The following NAV3 variants were observed in gnomAD, a reference collection of about 807,000 sequenced individuals.
NAV3 encodes the protein neuron navigator 3.
In NAV3, 87 loss-of-function variants were observed where a neutral mutation model predicts 244.7. The ratio of observed to expected loss-of-function variants is 0.36; its 90% CI spans 0.30 to 0.42. The LOEUF (loss-of-function observed/expected upper bound fraction) is 0.42, where lower values mean the gene tolerates loss of function less well. Ranked by LOEUF, NAV3 falls within the 20% of genes least tolerant of loss-of-function variation. NAV3 has a pLI of 1.00. For missense variants in NAV3, 2,663 were observed against 2,893.3 expected (o/e 0.92, Z 1.83); for synonymous variants, 1,126 against 1,042.2 (o/e 1.08, Z -1.55).
chr12:78,045,129 T>G (rs1353107711), intron 9 of NAV3, among the ~76,000 whole-genome samples: 3 of 152,212 alleles, frequency 2.0e-5, no homozygotes, highest in African/African-American at 4.8e-5. Flanking sequence ...TTGAGAGTTC[T>G]TAGCATGAAG....
At chr12:77,874,447 C>G (rs1010895446) in intron 1 of NAV3, among the ~76,000 whole-genome samples, 1 of 151,994 alleles carries the variant, frequency 6.6e-6, no homozygotes, top group Non-Finnish European at 1.5e-5. Flanking sequence ...TGGGCTCAAG[C>G]AGTCCTTCCT....
intron 2 of NAV3, among the ~76,000 whole-genome samples, chr12:77,585,642 T>A (rs887501434): frequency 2.0e-5 from 3 of 152,036 alleles, no homozygotes; most frequent in Non-Finnish European, 4.4e-5. Flanking sequence ...CACAGTAGGG[T>A]TCGTACTCAC....
intron 12 of NAV3, among the ~76,000 whole-genome samples, chr12:78,113,413 C>G (rs1180409904): frequency 6.6e-6 from 1 of 152,222 alleles, no homozygotes; most frequent in Non-Finnish European, 1.5e-5. Context: ...CCTGAACATC[C>G]AAGCATTTCC....
chr12:77,787,197 C>T (rs1278971122), intron 2 of NAV3, among the ~76,000 whole-genome samples: 2 of 151,924 alleles, frequency 1.3e-5, no homozygotes, highest in East Asian at 3.9e-4. Flanking sequence ...CTGATGTGAC[C>T]AACATATTTT....
chr12:78,051,744 T>C (rs1339274690), intron 11 of NAV3, among the ~76,000 whole-genome samples: 1 of 152,186 alleles, frequency 6.6e-6, no homozygotes, highest in Non-Finnish European at 1.5e-5. Flanking sequence ...ATATTAACAA[T>C]TTGGGATATT....
chr12:77,736,252 C>A (rs1375258420), intron 2 of NAV3, among the ~76,000 whole-genome samples: 1 of 152,202 alleles, frequency 6.6e-6, no homozygotes, highest in Admixed American at 6.5e-5. Flanking sequence ...TGTATACACA[C>A]ACTTATATGG....
At chr12:78,188,184 A>T in intron 31 of NAV3, 64 bp from the exon 32 acceptor site, 1 of 1,207,036 alleles carries the variant, frequency 8.3e-7, no homozygotes, top group Non-Finnish European at 1.2e-6. Flanking sequence ...ATTTTAGTAG[A>T]AAATGTAGTA....
intron 5 of NAV3, among the ~76,000 whole-genome samples, chr12:77,971,454 A>T (rs796899056): frequency 6.6e-5 from 10 of 152,208 alleles, no homozygotes; most frequent in African/African-American, 2.2e-4. Context: ...GATATTTAAG[A>T]CATTAATACT....
At chr12:77,720,307 G>T (rs1479830606) in intron 2 of NAV3, among the ~76,000 whole-genome samples, 1 of 152,102 alleles carries the variant, frequency 6.6e-6, no homozygotes, top group East Asian at 1.9e-4. Flanking sequence ...TTCCCAGGCT[G>T]TTCACAGAGG....
intron 2 of NAV3, among the ~76,000 whole-genome samples, chr12:77,775,065 T>G (rs1006794024): frequency 1.3e-5 from 2 of 152,172 alleles, no homozygotes; most frequent in African/African-American, 4.8e-5. Flanking sequence ...TATCAGGAGC[T>G]AGTTGCTTTA....
Position 78,112,780 on chromosome 12 carries a change from A to G in NAV3, c.2637-3992A>G, listed in dbSNP as rs181349684. On this transcript the variant is annotated intron_variant, in intron 12 of 39. Coordinates refer to ENST00000397909, the MANE Select transcript of NAV3 (RefSeq NM_001024383.2). ...CTCGTGTTCTCACAATTCAAATACA[A>G]TCATGCCCTTCCAACAGTCCCCCCA... Among the ~76,000 whole-genome samples the G allele has an allele frequency of 2.6e-5, 4 of 152,234 alleles. No homozygotes were observed. In the East Asian group the frequency reaches 7.7e-4, roughly 29 times the overall value.
intron 1 of NAV3, among the ~76,000 whole-genome samples, chr12:77,855,414 A>G (rs758781443): frequency 3.3e-5 from 5 of 152,144 alleles, no homozygotes; most frequent in Non-Finnish European, 7.4e-5. Context: ...GACAGAATCT[A>G]TTCTTAGTGA....
At chr12:77,916,963 C>T (rs1430423892) in intron 1 of NAV3, among the ~76,000 whole-genome samples, 1 of 151,872 alleles carries the variant, frequency 6.6e-6, no homozygotes, top group African/African-American at 2.4e-5. Flanking sequence ...GGCAATATCA[C>T]ATCAATAGGA....
chr12:77,588,739 T>C (rs1319286611), intron 2 of NAV3, among the ~76,000 whole-genome samples: 1 of 152,226 alleles, frequency 6.6e-6, no homozygotes, highest in Non-Finnish European at 1.5e-5. Flanking sequence ...ATAAAGAAAG[T>C]AATTCACATG....
chr12:77,798,845 C>A (rs1402315), intron 2 of NAV3, among the ~76,000 whole-genome samples: 147,787 of 152,264 alleles, frequency 0.97, 71,902 homozygotes, highest in East Asian at 1. Context: ...TACTGTTTCA[C>A]CCAAATGAGT....
At chr12:77,846,902 T>G (rs974485476) in intron 1 of NAV3, among the ~76,000 whole-genome samples, 1 of 152,200 alleles carries the variant, frequency 6.6e-6, no homozygotes, top group African/African-American at 2.4e-5. Context: ...AATAATACAC[T>G]TTCCTTTTAT....
intron 2 of NAV3, among the ~76,000 whole-genome samples, chr12:77,683,115 A>T (rs1174253249): frequency 6.6e-6 from 1 of 151,954 alleles, no homozygotes; most frequent in Non-Finnish European, 1.5e-5. Context: ...CTTTTCTTCT[A>T]TGTTTTCTTC....
At position 78,128,788 on chromosome 12, in the gene NAV3, A is replaced by C. The variant is rs766162780; in HGVS notation, c.4363A>C (p.Thr1455Pro). The C allele has an allele frequency of 6.2e-7, 1 of 1,614,116 alleles. No homozygotes were observed. Among genetic ancestry groups the C allele is most frequent in the Non-Finnish European group, 8.5e-7 (1 of 1,179,984 alleles). ...TCATTCTACTGGAGGGCTTCAGGAC[A>C]CTGGCAACCAGTCACCTCTGGTTTC... ...RSHSTGGLQD[T>P]GNQSPLVSPS... is the part of the protein sequence containing the mutation. The change falls in exon 18 of 40, where the codon ACT becomes CCT. Residue 1455 changes from threonine (T) to proline (P), a missense_variant. Physicochemically the swap from Thr to Pro is conservative, Grantham distance 38. Transcript: ENST00000397909.
chr12:78,195,192 C>G lies in NAV3; in HGVS notation c.6292-2055C>G, dbSNP rs530655722. On this transcript the variant is annotated intron_variant, in intron 34 of 39. Transcript: ENST00000397909. ...CCACACTTCTTTATATAATAAAATG[C>G]AACTTCTTCTGCATGGATTCAAAGT... Among the ~76,000 whole-genome samples the G allele has an allele frequency of 5.3e-5, 8 of 151,988 alleles. No homozygotes were observed. The South Asian group carries it at 1.7e-3, about 32-fold the overall frequency.
Sources: allele counts gnomAD v4.1 joint callset (sites outside exome capture counted in the v4.1 genomes callset), GRCh38; gene constraint gnomAD v4.1.1; transcripts MANE v1.5; gene names NCBI Gene and HGNC (gene_info 2026-07-23, HGNC 2026-07-21).